The following SPMIP11 variants were observed in gnomAD, a reference collection of about 807,000 sequenced individuals.
The protein encoded by SPMIP11 is sperm microtubule inner protein 11.
chr12:48,752,374 G>A, the SPMIP11 span, among the ~76,000 whole-genome samples: 1 of 152,176 alleles, frequency 6.6e-6, no homozygotes, highest in African/African-American at 2.4e-5. Context: ...TCTAGGCCCT[G>A]AAAGAGGCTG....
At chr12:48,740,493 CTTTT>C in the SPMIP11 span, among the ~76,000 whole-genome samples, 2 of 138,482 alleles carry the variant, frequency 1.4e-5, no homozygotes, top group East Asian at 2.0e-4. Flanking sequence ...AAATGTCTCT[CTTTT>C]TTTTTTTTTT....
chr12:48,744,139 T>A, the SPMIP11 span, among the ~76,000 whole-genome samples: 1 of 149,938 alleles, frequency 6.7e-6, no homozygotes, highest in Non-Finnish European at 1.5e-5. Flanking sequence ...TCCCAGCTAC[T>A]CAGGAGGCCG....
chr12:48,765,041 C>T, the SPMIP11 span: 2 of 676,506 alleles, frequency 3.0e-6, no homozygotes, highest in Admixed American at 2.2e-5. Context: ...GGAAGTACTC[C>T]TTCCCTTCAC....
At chr12:48,741,202 C>T in the SPMIP11 span, among the ~76,000 whole-genome samples, 3 of 151,366 alleles carry the variant, frequency 2.0e-5, no homozygotes, top group Non-Finnish European at 4.4e-5. Flanking sequence ...CAGGCATGTG[C>T]CACCAGGCCT....
the SPMIP11 span, chr12:48,768,839 C>A: frequency 6.5e-7 from 1 of 1,550,316 alleles, no homozygotes; most frequent in Non-Finnish European, 8.8e-7. Flanking sequence ...ATACACAGAA[C>A]ACTAGCCACC....
chr12:48,738,694 A>G, the SPMIP11 span, among the ~76,000 whole-genome samples: 1 of 151,960 alleles, frequency 6.6e-6, no homozygotes, highest in Non-Finnish European at 1.5e-5. Context: ...GCCACCACGT[A>G]TGGCACCTAA....
chr12:48,753,856 C>T, the SPMIP11 span, among the ~76,000 whole-genome samples: 1 of 151,882 alleles, frequency 6.6e-6, no homozygotes, highest in Non-Finnish European at 1.5e-5. Context: ...GTGTGTGCCA[C>T]AATGCCCGGC....
chr12:48,732,105 C>T, the SPMIP11 span, among the ~76,000 whole-genome samples: 2 of 149,278 alleles, frequency 1.3e-5, no homozygotes, highest in African/African-American at 2.5e-5. Context: ...GCTGAGATTG[C>T]GCCACTGCAC....
the SPMIP11 span, among the ~76,000 whole-genome samples, chr12:48,770,516 ATCTC>A: frequency 2.0e-5 from 3 of 152,172 alleles, no homozygotes; most frequent in Non-Finnish European, 4.4e-5. Flanking sequence ...AAGTTATTTA[ATCTC>A]TCTGAGAGTC....
chr12:48,768,394 C>T, the SPMIP11 span: 5 of 721,726 alleles, frequency 6.9e-6, no homozygotes, highest in Non-Finnish European at 1.1e-5. Context: ...CTTGCATAAT[C>T]CTCTCGGTAG....
At chr12:48,755,466 A>G in the SPMIP11 span, among the ~76,000 whole-genome samples, 1 of 152,186 alleles carries the variant, frequency 6.6e-6, no homozygotes, top group Admixed American at 6.5e-5. Context: ...GCCCTTTCCC[A>G]GTAGCTGTGG....
the SPMIP11 span, among the ~76,000 whole-genome samples, chr12:48,740,916 C>T: frequency 3.3e-5 from 5 of 151,844 alleles, no homozygotes; most frequent in Admixed American, 6.6e-5. Flanking sequence ...GATGAGGTCT[C>T]GCTATGTTGC....
At chr12:48,764,827 C>G in the SPMIP11 span, 10 of 701,396 alleles carry the variant, frequency 1.4e-5, no homozygotes, top group Admixed American at 1.4e-4. Context: ...ATTAGATAAC[C>G]TGCCCTTCCC....
the SPMIP11 span, chr12:48,768,686 C>T: frequency 1.2e-6 from 2 of 1,614,168 alleles, no homozygotes; most frequent in Admixed American, 3.3e-5. Flanking sequence ...TAGCCCTTGG[C>T]AGCTAGAACC....
chr12:48,764,148 A>G, the SPMIP11 span, among the ~76,000 whole-genome samples: 1 of 150,326 alleles, frequency 6.7e-6, no homozygotes, highest in Non-Finnish European at 1.5e-5. Context: ...ACGCCCGGCT[A>G]ATTTTTGTAT....
chr12:48,733,299 T>C, the SPMIP11 span, among the ~76,000 whole-genome samples: 1 of 151,902 alleles, frequency 6.6e-6, no homozygotes, highest in Non-Finnish European at 1.5e-5. Flanking sequence ...GGTCTCAAAC[T>C]CCTGACCTCA....
the SPMIP11 span, among the ~76,000 whole-genome samples, chr12:48,739,300 T>C: frequency 6.6e-6 from 1 of 152,208 alleles, no homozygotes; most frequent in Non-Finnish European, 1.5e-5. Context: ...TGGCTCTCTA[T>C]AATTTCTCTG....
the SPMIP11 span, among the ~76,000 whole-genome samples, chr12:48,761,719 CTTTTTT>C: frequency 5.2e-5 from 5 of 95,242 alleles, no homozygotes; most frequent in African/African-American, 1.3e-4. Context: ...ATATAACATT[CTTTTTT>C]TTTTTTTTTT....
chr12:48,765,487 C>A, the SPMIP11 span: 9 of 644,560 alleles, frequency 1.4e-5, no homozygotes, highest in Non-Finnish European at 2.5e-5. Flanking sequence ...CCAGGGCCTC[C>A]CAAAGTGCTG....
Sources: allele counts gnomAD v4.1 joint callset (sites outside exome capture counted in the v4.1 genomes callset), GRCh38; gene constraint gnomAD v4.1.1; transcripts MANE v1.5; gene names NCBI Gene and HGNC (gene_info 2026-07-23, HGNC 2026-07-21).